Variants in ESR1 observed in about 807,000 individuals in gnomAD.
The protein encoded by ESR1 is estrogen receptor 1, also known as estrogen receptor.
Under a neutral mutation model 52.7 loss-of-function variants are expected in ESR1, and 12 were observed. The ratio of observed to expected loss-of-function variants is 0.23; its 90% CI spans 0.15 to 0.37. The LOEUF is 0.37. Ranked by LOEUF, ESR1 falls within the 10% of genes least tolerant of loss-of-function variation. The pLI, the probability that ESR1 is intolerant of heterozygous loss-of-function variation, is 1.00. For missense variants in ESR1, 584 were observed against 779.7 expected (o/e 0.75, Z 2.99); for synonymous variants, 305 against 316.8 (o/e 0.96, Z 0.39).
chr6:151,736,151 T>A (rs1450382548), intron 2 of ESR1, among the ~76,000 whole-genome samples: 2 of 152,190 alleles, frequency 1.3e-5, no homozygotes, highest in Admixed American at 6.5e-5. Flanking sequence ...CTTTTTAAAC[T>A]TGGAAGGCCA....
At chr6:151,671,552 A>ATAT (rs779955472) in intron 1 of ESR1, among the ~76,000 whole-genome samples, 1 of 152,112 alleles carries the variant, frequency 6.6e-6, no homozygotes, top group Non-Finnish European at 1.5e-5. Flanking sequence ...GAAAGGGGAG[A>ATAT]TATTGGTCAA....
intron 3 of ESR1, among the ~76,000 whole-genome samples, chr6:151,889,288 TC>T (rs1205696835): frequency 1.3e-5 from 2 of 152,162 alleles, no homozygotes; most frequent in Admixed American, 1.3e-4. Context: ...GCCCATTAGG[TC>T]CTGGGCTTTT....
intron 5 of ESR1, among the ~76,000 whole-genome samples, chr6:152,054,523 G>A (rs2046949974): frequency 6.6e-6 from 1 of 150,420 alleles, no homozygotes; most frequent in South Asian, 2.1e-4. Flanking sequence ...TCTCCTTTGC[G>A]CACTGATGCC....
At chr6:152,122,769 C>A in intron 6 of ESR1, 1 of 1,589,212 alleles carries the variant, frequency 6.3e-7, no homozygotes, top group Non-Finnish European at 8.5e-7. Flanking sequence ...GCTAAAGGGC[C>A]ATGCCAAGCA....
chr6:151,941,544 A>ATT (rs1194118281), intron 3 of ESR1, among the ~76,000 whole-genome samples: 1 of 142,978 alleles, frequency 7.0e-6, no homozygotes, highest in Admixed American at 7.0e-5. Context: ...TTGCTCTTAC[A>ATT]TTTTTTTTTT....
At chr6:151,819,207 G>T (rs1244128637) in intron 1 of ESR1, among the ~76,000 whole-genome samples, 1 of 152,188 alleles carries the variant, frequency 6.6e-6, no homozygotes, top group Admixed American at 6.5e-5. Context: ...TGTGCATTGT[G>T]TGCATACAGC....
chr6:151,795,723 T>C, intron 2 of ESR1, among the ~76,000 whole-genome samples: 1 of 152,178 alleles, frequency 6.6e-6, no homozygotes, highest in Non-Finnish European at 1.5e-5. Flanking sequence ...AATTGACTTA[T>C]GTACAAATTT....
At chr6:151,956,799 TATGTAA>T (rs1562593809) in intron 4 of ESR1, among the ~76,000 whole-genome samples, 9 of 141,070 alleles carry the variant, frequency 6.4e-5, no homozygotes, top group South Asian at 4.3e-4. Flanking sequence ...CATACATATA[TATGTAA>T]ATATAAATAT....
At chr6:151,768,263 A>G (rs1785225190) in intron 2 of ESR1, among the ~76,000 whole-genome samples, 1 of 152,250 alleles carries the variant, frequency 6.6e-6, no homozygotes. Flanking sequence ...TGCTTCTGAT[A>G]TGATACACAA....
At chr6:151,864,164 A>G (rs571163089) in intron 2 of ESR1, among the ~76,000 whole-genome samples, 192 of 152,298 alleles carry the variant, frequency 1.3e-3, no homozygotes, top group African/African-American at 4.4e-3. Context: ...AACCTACAGA[A>G]TGGGAGAAAA....
intron 1 of ESR1, among the ~76,000 whole-genome samples, chr6:151,694,405 A>G (rs1339138356): frequency 6.6e-6 from 1 of 152,250 alleles, no homozygotes; most frequent in Non-Finnish European, 1.5e-5. Context: ...GAATAATTAC[A>G]TCCGAGTCAC....
intron 6 of ESR1, among the ~76,000 whole-genome samples, chr6:152,124,944 T>TC (rs1401934547): frequency 6.6e-6 from 1 of 152,206 alleles, no homozygotes; most frequent in Non-Finnish European, 1.5e-5. Context: ...TGTCATTTAA[T>TC]CCCCACAGCA....
chr6:151,681,071 C>T (rs1046332087), intron 1 of ESR1, among the ~76,000 whole-genome samples: 5 of 152,174 alleles, frequency 3.3e-5, no homozygotes, highest in Admixed American at 6.5e-5. Context: ...CTGCCGGGCA[C>T]GTCCTTGTTC....
rs565168107 is a variant in ESR1 at position 151,918,909 on chromosome 6, CTT to C, written c.761-25263_761-25262del. ...TTTAATGCAGAAAGACTGATCCTAA[CTT>C]ATTTCTTTTATTTAGCAATAAGATT... is the stretch of plus-strand genomic sequence containing the variant. On this transcript the variant is annotated intron_variant, in intron 3 of 7. Transcript: ENST00000206249. Among the ~76,000 whole-genome samples, 551 of 152,282 alleles carry C rather than the reference CTT, an allele frequency of 3.6e-3. 2 individuals carry two copies. The highest frequency in any genetic ancestry group is 0.011 in the African/African-American group (464 of 41,564).
At chr6:151,951,674 T>C (rs1228523420) in intron 4 of ESR1, among the ~76,000 whole-genome samples, 1 of 152,172 alleles carries the variant, frequency 6.6e-6, no homozygotes, top group Non-Finnish European at 1.5e-5. Context: ...TGAAGGATGT[T>C]CCATTCTCAC....
chr6:151,812,420 AC>A (rs538314950), intron 1 of ESR1, among the ~76,000 whole-genome samples: 142 of 152,156 alleles, frequency 9.3e-4, no homozygotes, highest in Non-Finnish European at 1.5e-3. Flanking sequence ...AATCTTTATC[AC>A]CATCTGCAAC....
intron 3 of ESR1, among the ~76,000 whole-genome samples, chr6:151,940,349 A>G (rs552648267): frequency 6.6e-6 from 1 of 152,362 alleles, no homozygotes; most frequent in South Asian, 2.1e-4. Context: ...AAACCATATC[A>G]GTACATTAAA....
At chr6:151,704,022 C>G (rs1472790075) in intron 2 of ESR1, among the ~76,000 whole-genome samples, 1 of 152,180 alleles carries the variant, frequency 6.6e-6, no homozygotes, top group Non-Finnish European at 1.5e-5. Context: ...ATAAACAACA[C>G]AGAACATCAG....
At chr6:151,755,827 C>T (rs957159584) in intron 2 of ESR1, among the ~76,000 whole-genome samples, 4 of 152,024 alleles carry the variant, frequency 2.6e-5, no homozygotes, top group Non-Finnish European at 4.4e-5. Flanking sequence ...GAAGGGGTTT[C>T]GCCATGTTGG....
Sources: gnomAD v4.1 joint callset for allele counts (sites outside exome capture counted in the v4.1 genomes callset) on GRCh38, gnomAD v4.1.1 for gene constraint, MANE v1.5 for transcripts, NCBI Gene and HGNC (gene_info 2026-07-23, HGNC 2026-07-21) for gene names.